TP63: variants seen among roughly 807,000 people sequenced by gnomAD.
The protein encoded by TP63 is tumor protein p63.
Under a neutral mutation model 82.8 loss-of-function variants are expected in TP63, and 17 were observed. That is an observed-to-expected ratio of 0.21 (90% CI 0.14 to 0.31). The LOEUF (loss-of-function observed/expected upper bound fraction) is 0.31. Among genes scored for constraint, TP63 ranks in the 10% least tolerant of loss-of-function variants. TP63 has a pLI of 1.00. For synonymous variants in TP63, 330 were observed against 321.7 expected (o/e 1.03, Z -0.28); for missense variants, 648 against 895.3 (o/e 0.72, Z 3.52).
At chr3:189,680,385 T>C (rs1210655801) in intron 1 of TP63, among the ~76,000 whole-genome samples, 1 of 152,100 alleles carries the variant, frequency 6.6e-6, no homozygotes, top group Non-Finnish European at 1.5e-5. Flanking sequence ...GCCCATCCTT[T>C]TCAGACTCTT....
At chr3:189,744,860 G>A (rs528894804) in intron 3 of TP63, among the ~76,000 whole-genome samples, 56 of 152,216 alleles carry the variant, frequency 3.7e-4, no homozygotes, top group South Asian at 1.5e-3. Context: ...CTGCCCTAGG[G>A]TCCAAGGACA....
At chr3:189,834,901 T>TTTG (rs397730751) in intron 4 of TP63, among the ~76,000 whole-genome samples, 1 of 151,618 alleles carries the variant, frequency 6.6e-6, no homozygotes, top group Non-Finnish European at 1.5e-5. Context: ...TTTTTTTTTT[T>TTTG]GTCTTTGCTA....
At chr3:189,606,756 C>T in the TP63 span, among the ~76,000 whole-genome samples, 3 of 152,016 alleles carry the variant, frequency 2.0e-5, no homozygotes, top group Non-Finnish European at 4.4e-5. Context: ...AGTGATCTGC[C>T]TGACTCGGCC....
chr3:189,881,664 A>G (rs1301102006), intron 10 of TP63, among the ~76,000 whole-genome samples: 1 of 152,154 alleles, frequency 6.6e-6, no homozygotes, highest in Non-Finnish European at 1.5e-5. Flanking sequence ...TGGTATTTTT[A>G]TTTAAGATAC....
intron 4 of TP63, among the ~76,000 whole-genome samples, chr3:189,837,334 T>G (rs1713304400): frequency 6.7e-6 from 1 of 150,368 alleles, no homozygotes; most frequent in Non-Finnish European, 1.5e-5. Context: ...AGAGTTGTTA[T>G]CATCCTGGCA....
At chr3:189,771,241 C>G (rs1055116175) in intron 3 of TP63, among the ~76,000 whole-genome samples, 1 of 142,938 alleles carries the variant, frequency 7.0e-6, no homozygotes, top group Non-Finnish European at 1.5e-5. Context: ...TGTTATTCTA[C>G]CTGCAGGTGA....
intron 3 of TP63, among the ~76,000 whole-genome samples, chr3:189,765,701 G>T (rs1722911928): frequency 6.6e-6 from 1 of 151,862 alleles, no homozygotes; most frequent in Non-Finnish European, 1.5e-5. Flanking sequence ...CCAAAGTGCT[G>T]GGATTTAAGG....
intron 3 of TP63, among the ~76,000 whole-genome samples, chr3:189,791,671 A>G (rs1490303355): frequency 1.3e-5 from 2 of 152,124 alleles, no homozygotes; most frequent in Non-Finnish European, 2.9e-5. Flanking sequence ...TGTTGCCTGC[A>G]TGACTTTCAT....
At chr3:189,777,845 C>CTTTTTTTTTTTT (rs55731981) in intron 3 of TP63, among the ~76,000 whole-genome samples, 67 of 37,776 alleles carry the variant, frequency 1.8e-3, no homozygotes, top group African/African-American at 2.1e-3. Flanking sequence ...TCTTCTTCTT[C>CTTTTTTTTTTTT]TTTTTTTTTT....
chr3:189,738,523 C>T, intron 2 of TP63, 119 bp from the exon 3 acceptor site: 1 of 1,474,302 alleles, frequency 6.8e-7, no homozygotes, highest in South Asian at 1.2e-5. Flanking sequence ...GTTTCTAACT[C>T]CAAGAAACCA....
intron 1 of TP63, among the ~76,000 whole-genome samples, chr3:189,639,838 A>C (rs1711661174): frequency 6.6e-6 from 1 of 152,152 alleles, no homozygotes; most frequent in South Asian, 2.1e-4. Context: ...GAACATATAC[A>C]GGTTTATAAT....
At chr3:189,881,408 T>C (rs1719900541) in intron 10 of TP63, 1 of 985,444 alleles carries the variant, frequency 1.0e-6, no homozygotes, top group East Asian at 1.1e-4. Context: ...GTATTTTCTG[T>C]CACCAAGACA....
chr3:189,896,676 G>T lies in TP63; in HGVS notation c.*2174G>T. The T allele has an allele frequency of 4.9e-6, 1 of 204,958 alleles. No homozygotes were observed. Among genetic ancestry groups the T allele is most frequent in the Non-Finnish European group, 1.0e-5 (1 of 99,792 alleles). The allele number at this position is 204,958 out of a possible 1,614,324, so 12.7% of individuals were successfully genotyped here. A position where few individuals can be genotyped will look rare whatever the true frequency, so the allele number is the denominator to read the frequency against. ...AACCTAGGACTTCCGAGCTATGTCA[G>T]TACTATTCAGGTAACACTAGGGCCT... On this transcript the variant is annotated 3_prime_UTR_variant, in exon 14 of 14. Transcript: ENST00000264731.
chr3:189,772,984 C>T (rs959183683), intron 3 of TP63, among the ~76,000 whole-genome samples: 3 of 152,274 alleles, frequency 2.0e-5, no homozygotes, highest in Middle Eastern at 3.4e-3. Context: ...AAGGAGACAA[C>T]GGGGTCTTTC....
At chr3:189,722,623 AG>A (rs1560135300) in intron 1 of TP63, among the ~76,000 whole-genome samples, 2 of 152,216 alleles carry the variant, frequency 1.3e-5, no homozygotes, top group Non-Finnish European at 2.9e-5. Flanking sequence ...ACAGTGTGAT[AG>A]TTAAGAACTA....
rs1213873148 is a variant in TP63 at position 189,894,429 on chromosome 3, A to G, written c.1970A>G (p.Glu657Gly). 5.0e-6 allele frequency: 8 copies of G among 1,613,850 alleles called. No homozygotes were observed. In the African/African-American group the frequency reaches 5.3e-5, roughly 11 times the overall value. ...ACCATCTCTTTCCCACCCCGAGATG[A>G]GTGGAATGACTTCAACTTTGACATG... Reference protein sequence around the residue: ...RQTISFPPRDEWNDFNFDMDA... With the variant: ...RQTISFPPRDGWNDFNFDMDA... The change falls in exon 14 of 14, where the codon GAG becomes GGG. Residue 657 changes from glutamate (E) to glycine (G), a missense_variant. Physicochemically the swap from Glu to Gly is moderately conservative, Grantham distance 98. Around this residue, in one of 5 missense-constraint regions of TP63, gnomAD observed 342 missense variants for 425.7 expected, o/e 0.80. Coordinates refer to ENST00000264731, the MANE Select transcript of TP63 (RefSeq NM_003722.5).
chr3:189,782,953 C>T (rs1724336823), intron 3 of TP63, among the ~76,000 whole-genome samples: 1 of 151,938 alleles, frequency 6.6e-6, no homozygotes, highest in Non-Finnish European at 1.5e-5. Context: ...TAAACATAAA[C>T]AGGTATACTG....
intron 4 of TP63, among the ~76,000 whole-genome samples, chr3:189,846,717 C>T (rs1714932925): frequency 8.3e-6 from 1 of 121,014 alleles, no homozygotes; most frequent in Admixed American, 9.4e-5. Flanking sequence ...GAGACAGTCT[C>T]ACTCTATTGC....
At chr3:189,789,603 G>A in intron 3 of TP63, 2 of 1,286,344 alleles carry the variant, frequency 1.6e-6, no homozygotes, top group Non-Finnish European at 2.0e-6. Flanking sequence ...AAAGAGAAGA[G>A]TCCCGCCTCC....
Sources: gnomAD v4.1 joint callset for allele counts (sites outside exome capture counted in the v4.1 genomes callset) on GRCh38, gnomAD v4.1.1 for gene constraint, gnomAD v4.1.1 regional missense constraint, MANE v1.5 for transcripts, NCBI Gene and HGNC (gene_info 2026-07-23, HGNC 2026-07-21) for gene names.